CSNK2A1: variants seen among roughly 807,000 people sequenced by gnomAD.
CSNK2A1 encodes casein kinase 2 alpha 1, also known as casein kinase II subunit alpha.
In CSNK2A1, 10 loss-of-function variants were observed where a neutral mutation model predicts 62.9. That is an observed-to-expected ratio of 0.16 (90% CI 0.10 to 0.27). CSNK2A1 has a LOEUF of 0.27. CSNK2A1 is among the 10% of genes least tolerant of loss of function. The pLI is 1.00. For missense variants in CSNK2A1, 160 were observed against 492.0 expected (o/e 0.33, Z 6.38); for synonymous variants, 124 against 167.8 (o/e 0.74, Z 2.02).
In CSNK2A1 at chr20:517,774, AAC is replaced by A. The variant is rs546597047; in HGVS notation, c.-109-9116_-109-9115del. 1.6e-3 allele frequency among the ~76,000 whole-genome samples: 247 copies of A among 152,306 alleles called. 2 individuals carry two copies. Among genetic ancestry groups the A allele is most frequent in the Non-Finnish European group, 2.9e-3 (196 of 68,006 alleles). ...GCACATTTTGTTATCTTCTATAAGA[AAC>A]ACATCATTGGATGCCACATGCAACG... is the stretch of plus-strand genomic sequence containing the variant. On this transcript the variant is annotated intron_variant, in intron 2 of 13. Coordinates refer to ENST00000217244, the MANE Select transcript of CSNK2A1 (RefSeq NM_177559.3).
rs377205214 is a variant in CSNK2A1 at position 508,507 on chromosome 20, A to C, written c.45T>G (p.Val15=). The change falls in exon 3 of 14, where the codon GTT becomes GTG. Residue 15 remains valine, a synonymous_variant. Coordinates refer to ENST00000217244, the MANE Select transcript of CSNK2A1 (RefSeq NM_177559.3). ...VPSRARVYTD[V]NTHRPREYWD... Reference sequence around the variant, plus strand: ...AGTATTCTCGAGGTCTGTGTGTATTAACATCTGTGTAAACTCTGGCCCTGC... The same window carrying C: ...AGTATTCTCGAGGTCTGTGTGTATTCACATCTGTGTAAACTCTGGCCCTGC... 3.1e-6 allele frequency: 5 copies of C among 1,614,030 alleles called. No individual in the cohort carries two copies. The highest frequency in any genetic ancestry group is 4.2e-6 in the Non-Finnish European group (5 of 1,180,032).
At chr20:487,005 C>A (rs6052404) in intron 12 of CSNK2A1, 10,447 of 194,050 alleles carry the variant, frequency 0.054, 1,085 homozygotes, top group African/African-American at 0.22. Flanking sequence ...GGGTGGGTCT[C>A]AGTGGTATTT....
chr20:492,179 A>C (rs1158004465), intron 9 of CSNK2A1, 75 bp downstream of exon 9: 1 of 1,272,814 alleles, frequency 7.9e-7, no homozygotes, highest in Non-Finnish European at 1.1e-6. Context: ...GCACAAAATG[A>C]TACTTTTTTT....
At chr20:492,417 T>C (rs2018255408) in intron 8 of CSNK2A1, 53 bp from the exon 9 acceptor site, 1 of 1,566,596 alleles carries the variant, frequency 6.4e-7, no homozygotes, top group Non-Finnish European at 8.8e-7. Context: ...CTACCCACAC[T>C]GTGCCATTAG....
chr20:498,335 C>CTTTTTTTTTTTTTT (rs11477158), intron 6 of CSNK2A1: 11 of 119,660 alleles, frequency 9.2e-5, no homozygotes, highest in African/African-American at 3.5e-4. Flanking sequence ...ATGGACATAT[C>CTTTTTTTTTTTTTT]TTTTTTTTTT....
chr20:537,335 G>A (rs1446334506), intron 1 of CSNK2A1, among the ~76,000 whole-genome samples: 1 of 152,230 alleles, frequency 6.6e-6, no homozygotes, highest in East Asian at 1.9e-4. Flanking sequence ...GAAGCTTGCC[G>A]ACCATAGCAA....
intron 3 of CSNK2A1, among the ~76,000 whole-genome samples, chr20:505,584 G>C (rs186441540): frequency 8.6e-5 from 13 of 151,164 alleles, no homozygotes; most frequent in Non-Finnish European, 1.3e-4. Context: ...GGATGGTCTC[G>C]ATCTCCTGAC....
chr20:538,094 G>A (rs530361046), intron 1 of CSNK2A1, among the ~76,000 whole-genome samples: 1 of 151,960 alleles, frequency 6.6e-6, no homozygotes, highest in Admixed American at 6.6e-5. Flanking sequence ...GAGTAGCTGG[G>A]ACCACAGGCA....
intron 3 of CSNK2A1, chr20:507,833 T>C (rs1360969429): frequency 2.6e-5 from 4 of 152,362 alleles, no homozygotes; most frequent in East Asian, 1.9e-4. Context: ...AGCAAGCTGA[T>C]AGGTAACTTT....
chr20:516,991 G>A (rs949136744), intron 2 of CSNK2A1, among the ~76,000 whole-genome samples: 2 of 152,334 alleles, frequency 1.3e-5, no homozygotes. Context: ...GCATGGTTTA[G>A]GACTGCTTGT....
chr20:525,510 G>A (rs2019062650), intron 2 of CSNK2A1, among the ~76,000 whole-genome samples: 1 of 151,846 alleles, frequency 6.6e-6, no homozygotes, highest in Admixed American at 6.6e-5. Flanking sequence ...AATTAGCTGG[G>A]CATGGTGGCG....
intron 1 of CSNK2A1, among the ~76,000 whole-genome samples, chr20:531,947 T>C: frequency 6.6e-6 from 1 of 152,212 alleles, no homozygotes; most frequent in African/African-American, 2.4e-5. Flanking sequence ...TTCACTACTG[T>C]CCAACCTTAA....
Position 499,781 on chromosome 20 carries a change from G to C in CSNK2A1, c.315+52C>G, listed in dbSNP as rs2018420725. ...CAAAAAGAGGCCAGTTGTGCTCCAGGTCAAACACCATCTCAGCTCTGGCGG... is the reference window on the plus strand; with the variant it reads ...CAAAAAGAGGCCAGTTGTGCTCCAGCTCAAACACCATCTCAGCTCTGGCGG... On this transcript the variant is annotated intron_variant, in intron 5 of 13. Transcript: ENST00000217244. This position sits in a 1 kb window ranked among gnomAD's most constrained non-coding sequence, Gnocchi z 4.2. 1.3e-5 allele frequency: 21 copies of C among 1,569,060 alleles called. No individual in the cohort carries two copies. The South Asian group carries it at 2.1e-4, about 16-fold the overall frequency.
chr20:525,836 TAAA>T (rs397864425), intron 2 of CSNK2A1, among the ~76,000 whole-genome samples: 15 of 71,048 alleles, frequency 2.1e-4, no homozygotes, highest in African/African-American at 7.3e-4. Flanking sequence ...TTAAAACTAT[TAAA>T]AAAAAAAAAA....
chr20:490,008 T>A, intron 9 of CSNK2A1, 127 bp from the exon 10 acceptor site: 3 of 632,930 alleles, frequency 4.7e-6, no homozygotes, highest in Non-Finnish European at 7.5e-6. Context: ...ACTAATAACA[T>A]CTTCATATAT....
intron 4 of CSNK2A1, chr20:503,499 A>G (rs949672936): frequency 2.5e-6 from 1 of 398,560 alleles, no homozygotes; most frequent in Non-Finnish European, 4.4e-6. Flanking sequence ...ACTGTGGAAC[A>G]CTTTACATTT....
intron 2 of CSNK2A1, among the ~76,000 whole-genome samples, chr20:516,683 C>T (rs1172624880): frequency 2.0e-5 from 3 of 152,098 alleles, no homozygotes; most frequent in Admixed American, 6.6e-5. Context: ...CAGTCCAATA[C>T]CAGAAAACTA....
Position 512,530 on chromosome 20 carries a change from G to A in CSNK2A1, c.-109-3870C>T, listed in dbSNP as rs6037833. ...GAAGAGATACCTCCTTATGCCCATG[G>A]TGTCGGCAGCTAAAGGCTTTCAGAA... On this transcript the variant is annotated intron_variant, in intron 2 of 13. Coordinates refer to ENST00000217244, the MANE Select transcript of CSNK2A1 (RefSeq NM_177559.3). 2.1e-3 allele frequency among the ~76,000 whole-genome samples: 318 copies of A among 152,266 alleles called. 5 individuals carry two copies. The highest frequency in any genetic ancestry group is 7.2e-3 in the African/African-American group (297 of 41,532).
chr20:505,549 C>T (rs1437510495), intron 3 of CSNK2A1, among the ~76,000 whole-genome samples: 4 of 151,344 alleles, frequency 2.6e-5, no homozygotes, highest in Admixed American at 6.6e-5. Flanking sequence ...TTAGTAGAGA[C>T]GGCGGGTCCT....
Sources: allele counts gnomAD v4.1 joint callset (sites outside exome capture counted in the v4.1 genomes callset), GRCh38; gene constraint gnomAD v4.1.1; non-coding constraint Gnocchi (gnomAD v3.1); transcripts MANE v1.5; gene names NCBI Gene and HGNC (gene_info 2026-07-23, HGNC 2026-07-21).